The following FHIT variants were observed in gnomAD, a reference collection of about 807,000 sequenced individuals.
The protein encoded by FHIT is bis(5'-adenosyl)-triphosphatase.
FHIT carries 19 observed loss-of-function variants against 17.9 expected under a neutral mutation model. The observed-to-expected ratio is 1.06, with a 90% confidence interval of 0.74 to 1.56. FHIT has a LOEUF of 1.56. FHIT is among the 40% of genes most tolerant of loss of function. The pLI is 0.00. For synonymous variants in FHIT, 81 were observed against 69.7 expected (o/e 1.16, Z -0.81); for missense variants, 248 against 189.2 (o/e 1.31, Z -1.82).
chr3:61,061,480 T>C lies in FHIT; in HGVS notation c.-163-19381A>G, dbSNP rs539666009. Among the ~76,000 whole-genome samples, 3 of 151,956 alleles carry C rather than the reference T, an allele frequency of 2.0e-5. No individual in the cohort carries two copies. In the East Asian group the frequency reaches 5.8e-4, roughly 29 times the overall value. ...CTAGACTCTGGATGCCTAGGGTAAA[T>C]TTTTAATTCTATTTTATTTATTTTA... On this transcript the variant is annotated intron_variant, in intron 2 of 9. Coordinates refer to ENST00000492590, the MANE Select transcript of FHIT (RefSeq NM_002012.4).
rs1297114798 is a variant in FHIT at position 60,301,412 on chromosome 3, A to G, written c.103+235448T>C. 2.0e-5 allele frequency among the ~76,000 whole-genome samples: 3 copies of G among 152,146 alleles called. No homozygotes were observed. The East Asian group carries it at 5.8e-4, about 29-fold the overall frequency. ...GTACACTGTATCTCGCCAAGCTATA[A>G]TTACTGACTAAACCTAAACTTCTTT... On this transcript the variant is annotated intron_variant, in intron 5 of 9. Transcript: ENST00000492590.
intron 5 of FHIT, among the ~76,000 whole-genome samples, chr3:60,126,845 T>A (rs945030396): frequency 1.3e-5 from 2 of 152,196 alleles, no homozygotes; most frequent in Non-Finnish European, 2.9e-5. Context: ...AGACCTGAAA[T>A]GTGCCCTCTT....
chr3:60,319,062 A>G (rs925167054), intron 5 of FHIT, among the ~76,000 whole-genome samples: 2 of 152,046 alleles, frequency 1.3e-5, no homozygotes, highest in African/African-American at 4.8e-5. Flanking sequence ...ACTACCCTGC[A>G]CCCACCCACT....
intron 5 of FHIT, among the ~76,000 whole-genome samples, chr3:60,452,342 G>C (rs1476175934): frequency 6.6e-6 from 1 of 152,270 alleles, no homozygotes; most frequent in Non-Finnish European, 1.5e-5. Flanking sequence ...GTGGTTTAAA[G>C]TGGCCCCATT....
At chr3:60,614,831 G>GTTTTTTTTTTTTTT (rs1327062142) in intron 4 of FHIT, among the ~76,000 whole-genome samples, 2 of 53,482 alleles carry the variant, frequency 3.7e-5, no homozygotes, top group Non-Finnish European at 4.4e-5. Flanking sequence ...TTTTTTTTTT[G>GTTTTTTTTTTTTTT]TTTTTTTTTT....
At chr3:61,243,707 A>G (rs1269807582) in intron 1 of FHIT, among the ~76,000 whole-genome samples, 1 of 152,172 alleles carries the variant, frequency 6.6e-6, no homozygotes, top group Non-Finnish European at 1.5e-5. Context: ...ATGGGATTAT[A>G]GCCCCCCACT....
chr3:59,960,500 G>A (rs1428578605), intron 7 of FHIT, among the ~76,000 whole-genome samples: 1 of 152,096 alleles, frequency 6.6e-6, no homozygotes, highest in Non-Finnish European at 1.5e-5. Context: ...CTAGTGGAGT[G>A]GCCTAAAAGG....
chr3:60,849,287 C>T (rs1488833875), intron 3 of FHIT, among the ~76,000 whole-genome samples: 1 of 151,652 alleles, frequency 6.6e-6, no homozygotes, highest in African/African-American at 2.4e-5. Context: ...GCTTTTGGCC[C>T]TTCCGTGTAC....
chr3:60,459,052 G>T (rs1005860702), intron 5 of FHIT, among the ~76,000 whole-genome samples: 1 of 152,078 alleles, frequency 6.6e-6, no homozygotes, highest in African/African-American at 2.4e-5. Context: ...AAAGTGCTGG[G>T]ATTACAAGCA....
rs184546775 is a variant in FHIT at position 60,991,566 on chromosome 3, C to T, written c.-111+50481G>A. ...TCCCAAGGCCCTGTCTTTGTCAGTA[C>T]GGGTAGTGATTAAGAACATAGTGCT... is the stretch of plus-strand genomic sequence containing the variant. On this transcript the variant is annotated intron_variant, in intron 3 of 9. Transcript: ENST00000492590. Among the ~76,000 whole-genome samples, 14 of 152,236 alleles carry T rather than the reference C, an allele frequency of 9.2e-5. No individual in the cohort carries two copies. In the East Asian group the frequency reaches 2.1e-3, roughly 23 times the overall value.
intron 2 of FHIT, among the ~76,000 whole-genome samples, chr3:61,134,485 T>A (rs2036856900): frequency 6.6e-6 from 1 of 151,846 alleles, no homozygotes; most frequent in Non-Finnish European, 1.5e-5. Flanking sequence ...AGGATCAAGA[T>A]CAAAGAAAAA....
At chr3:60,754,408 G>A (rs1250779158) in intron 4 of FHIT, among the ~76,000 whole-genome samples, 3 of 152,158 alleles carry the variant, frequency 2.0e-5, no homozygotes, top group African/African-American at 7.2e-5. Flanking sequence ...GCAGGATATG[G>A]AGTGTCTTTG....
intron 4 of FHIT, among the ~76,000 whole-genome samples, chr3:60,633,320 A>G (rs1553682918): frequency 6.6e-6 from 1 of 152,216 alleles, no homozygotes; most frequent in African/African-American, 2.4e-5. Context: ...TACCTGTATA[A>G]GAGGAATAAT....
At chr3:59,788,276 C>T (rs188917889) in intron 8 of FHIT, among the ~76,000 whole-genome samples, 2 of 152,266 alleles carry the variant, frequency 1.3e-5, no homozygotes, top group East Asian at 3.9e-4. Flanking sequence ...ATTTGAACAT[C>T]CTGCCTCAAT....
chr3:60,067,578 C>T (rs748727223), intron 5 of FHIT, among the ~76,000 whole-genome samples: 3 of 152,196 alleles, frequency 2.0e-5, no homozygotes, highest in Non-Finnish European at 4.4e-5. Flanking sequence ...TACTATCTGG[C>T]TCATCACAGC....
intron 7 of FHIT, among the ~76,000 whole-genome samples, chr3:59,972,889 A>G (rs1210452350): frequency 6.6e-6 from 1 of 151,998 alleles, no homozygotes; most frequent in African/African-American, 2.4e-5. Context: ...AAATTGATCT[A>G]CATGTTGCTC....
intron 3 of FHIT, among the ~76,000 whole-genome samples, chr3:61,012,127 A>T (rs2031825410): frequency 6.6e-6 from 1 of 152,220 alleles, no homozygotes; most frequent in Non-Finnish European, 1.5e-5. Context: ...TCCAAAAATT[A>T]AAAATCATAT....
chr3:60,690,557 T>G, intron 4 of FHIT: 1 of 552,208 alleles, frequency 1.8e-6, no homozygotes, highest in East Asian at 4.8e-5. Context: ...GGAATAATTC[T>G]GTGAAAGCAG....
intron 2 of FHIT, among the ~76,000 whole-genome samples, chr3:61,079,441 A>G (rs2035066439): frequency 1.3e-5 from 2 of 152,198 alleles, no homozygotes; most frequent in Admixed American, 1.3e-4. Context: ...CTAGGAGGAG[A>G]AACACATTCA....
Sources: allele counts gnomAD v4.1 joint callset (sites outside exome capture counted in the v4.1 genomes callset), GRCh38; gene constraint gnomAD v4.1.1; transcripts MANE v1.5; gene names NCBI Gene and HGNC (gene_info 2026-07-23, HGNC 2026-07-21).